The following TENM3 variants were observed in gnomAD, a reference collection of about 807,000 sequenced individuals.
The protein encoded by TENM3 is teneurin transmembrane protein 3.
TENM3 carries 63 observed loss-of-function variants against 255.1 expected under a neutral mutation model. The observed-to-expected ratio is 0.25, with a 90% CI of 0.20 to 0.30. The LOEUF (loss-of-function observed/expected upper bound fraction) is 0.30. Ranked by LOEUF, TENM3 falls within the 10% of genes least tolerant of loss-of-function variation. The pLI, the probability that TENM3 is intolerant of heterozygous loss-of-function variation, is 1.00. For missense variants in TENM3, 2,929 were observed against 3,461.1 expected, an observed-to-expected ratio of 0.85 and a Z score of 3.86; for synonymous variants, 1,306 against 1,322.3, an observed-to-expected ratio of 0.99 and a Z score of 0.27.
chr4:182,190,414 A>C (rs1370325638), intron 1 of TENM3: 1 of 152,338 alleles, frequency 6.6e-6, no homozygotes, highest in South Asian at 2.1e-4. Context: ...CCTTGCGCTA[A>C]CAGCCGGATA....
chr4:182,737,349 C>A lies in TENM3; in HGVS notation c.3235+274C>A, dbSNP rs2152725515. On this transcript the variant is annotated intron_variant, in intron 17 of 27. Transcript: ENST00000511685. Reference sequence around the variant, plus strand: ...TTTCAGCTTGTCACATCCTTTCTCCCCCCATGTTTCTTTCCTTATTTTGTC... The same window carrying A: ...TTTCAGCTTGTCACATCCTTTCTCCACCCATGTTTCTTTCCTTATTTTGTC... Among the ~76,000 whole-genome samples, 3 of 152,224 alleles carry A rather than the reference C, an allele frequency of 2.0e-5. No individual in the cohort carries two copies. In the South Asian group the frequency reaches 6.2e-4, roughly 32 times the overall value.
chr4:181,739,336 C>G, the TENM3 span, among the ~76,000 whole-genome samples: 1 of 152,212 alleles, frequency 6.6e-6, no homozygotes, highest in Non-Finnish European at 1.5e-5. Flanking sequence ...CTCATAATGT[C>G]ACAGATGACT....
At chr4:181,836,671 A>G in the TENM3 span, among the ~76,000 whole-genome samples, 1 of 152,190 alleles carries the variant, frequency 6.6e-6, no homozygotes, top group Non-Finnish European at 1.5e-5. Flanking sequence ...GTGCCTTAAT[A>G]ACTTTAGCCT....
intron 1 of TENM3, among the ~76,000 whole-genome samples, chr4:182,296,075 T>A (rs1479035155): frequency 6.6e-6 from 1 of 152,192 alleles, no homozygotes; most frequent in Non-Finnish European, 1.5e-5. Context: ...GCAATTCTCC[T>A]GCCTCAGCCT....
intron 1 of TENM3, among the ~76,000 whole-genome samples, chr4:182,176,591 T>C (rs1752501619): frequency 6.6e-6 from 1 of 152,218 alleles, no homozygotes; most frequent in African/African-American, 2.4e-5. Context: ...GTTAAAACAG[T>C]CACCAACATT....
the TENM3 span, among the ~76,000 whole-genome samples, chr4:181,681,673 T>C: frequency 6.6e-6 from 1 of 152,140 alleles, no homozygotes; most frequent in African/African-American, 2.4e-5. Flanking sequence ...CTCACGATGA[T>C]ACATCAAGTA....
At chr4:181,479,681 T>G in the TENM3 span, among the ~76,000 whole-genome samples, 1 of 152,164 alleles carries the variant, frequency 6.6e-6, no homozygotes, top group Non-Finnish European at 1.5e-5. Flanking sequence ...TCATGATTTG[T>G]CCTACCTTGT....
the TENM3 span, among the ~76,000 whole-genome samples, chr4:182,107,399 A>C: frequency 2.6e-5 from 4 of 152,266 alleles, no homozygotes; most frequent in Non-Finnish European, 5.9e-5. Flanking sequence ...GGGCTGAAAC[A>C]TCGAAGGACA....
At chr4:182,055,688 A>T in the TENM3 span, among the ~76,000 whole-genome samples, 1 of 152,142 alleles carries the variant, frequency 6.6e-6, no homozygotes, top group Admixed American at 6.5e-5. Context: ...GCCATCTTGT[A>T]GGATTAAAAA....
intron 1 of TENM3, among the ~76,000 whole-genome samples, chr4:182,220,233 C>G (rs1032162164): frequency 6.6e-6 from 1 of 151,838 alleles, no homozygotes; most frequent in Non-Finnish European, 1.5e-5. Flanking sequence ...AAAAATTAGT[C>G]GGGCATGGTG....
chr4:181,476,205 G>GTTT, the TENM3 span, among the ~76,000 whole-genome samples: 34 of 98,062 alleles, frequency 3.5e-4, no homozygotes, highest in African/African-American at 9.7e-4. Context: ...ACATTTTAGG[G>GTTT]GTTTTTTTTT....
intron 3 of TENM3, among the ~76,000 whole-genome samples, chr4:182,575,194 A>G (rs13126716): frequency 0.12 from 18,207 of 152,228 alleles, 1,359 homozygotes; most frequent in East Asian, 0.21. Context: ...TTATCCTGGT[A>G]TTTTACAAGA....
chr4:181,504,652 G>A, the TENM3 span, among the ~76,000 whole-genome samples: 3 of 152,144 alleles, frequency 2.0e-5, no homozygotes, highest in African/African-American at 7.2e-5. Flanking sequence ...TAGGCTTCAG[G>A]GGCACAGGCC....
intron 3 of TENM3, among the ~76,000 whole-genome samples, chr4:182,522,019 T>C (rs1580819040): frequency 1.3e-5 from 2 of 152,198 alleles, no homozygotes; most frequent in South Asian, 4.1e-4. Context: ...TGGCTAGGAA[T>C]GTTTCATACA....
At chr4:182,651,006 C>T (rs1437182813) in intron 5 of TENM3, among the ~76,000 whole-genome samples, 1 of 151,228 alleles carries the variant, frequency 6.6e-6, no homozygotes, top group African/African-American at 2.4e-5. Flanking sequence ...CATATGACAT[C>T]TGCGCATGAT....
At chr4:181,517,151 GAA>G in the TENM3 span, among the ~76,000 whole-genome samples, 17 of 146,890 alleles carry the variant, frequency 1.2e-4, no homozygotes, top group South Asian at 4.3e-4. Context: ...GGAAATAACT[GAA>G]AAAAAAAAAA....
chr4:181,560,677 G>A, the TENM3 span, among the ~76,000 whole-genome samples: 2 of 152,108 alleles, frequency 1.3e-5, no homozygotes, highest in African/African-American at 4.8e-5. Flanking sequence ...CACATCAGCA[G>A]CACAACTGAC....
chr4:182,505,391 A>G (rs186207319), intron 3 of TENM3, among the ~76,000 whole-genome samples: 3 of 152,228 alleles, frequency 2.0e-5, no homozygotes, highest in African/African-American at 7.2e-5. Flanking sequence ...TAAATGTCTA[A>G]ATTATTATAC....
the TENM3 span, among the ~76,000 whole-genome samples, chr4:181,512,645 C>T: frequency 6.6e-6 from 1 of 152,202 alleles, no homozygotes; most frequent in Admixed American, 6.5e-5. Context: ...CCTGTGCTTC[C>T]ACCTGCGTTT....
Sources: allele counts gnomAD v4.1 joint callset (sites outside exome capture counted in the v4.1 genomes callset), GRCh38; gene constraint gnomAD v4.1.1; transcripts MANE v1.5; gene names NCBI Gene and HGNC (gene_info 2026-07-23, HGNC 2026-07-21).